NCKAP5: variants seen among roughly 807,000 people sequenced by gnomAD.
NCKAP5 encodes NCK associated protein 5, also known as nck-associated protein 5.
Under a neutral mutation model 167.0 loss-of-function variants are expected in NCKAP5, and 92 were observed. That is an observed-to-expected ratio of 0.55 (90% CI 0.47 to 0.66). The LOEUF (loss-of-function observed/expected upper bound fraction) is 0.66. Ranked by LOEUF, NCKAP5 falls within the 30% of genes least tolerant of loss-of-function variation. The pLI, the probability that NCKAP5 is intolerant of heterozygous loss-of-function variation, is 0.00. For synonymous variants in NCKAP5, 891 were observed against 877.4 expected (o/e 1.02, Z -0.27); for missense variants, 2,378 against 2,315.0 (o/e 1.03, Z -0.56).
At chr2:133,515,937 G>T (rs1683948097) in intron 3 of NCKAP5, among the ~76,000 whole-genome samples, 1 of 152,202 alleles carries the variant, frequency 6.6e-6, no homozygotes, top group Admixed American at 6.5e-5. Context: ...TTATTAATGA[G>T]TGCTACTATG....
intron 10 of NCKAP5, among the ~76,000 whole-genome samples, chr2:132,865,001 G>A (rs1294794935): frequency 2.0e-5 from 3 of 151,934 alleles, no homozygotes; most frequent in African/African-American, 7.3e-5. Context: ...ATGTCTTTTC[G>A]AGTGCTGCTT....
intron 5 of NCKAP5, among the ~76,000 whole-genome samples, chr2:133,172,925 T>C (rs144775661): frequency 4.9e-4 from 74 of 152,228 alleles, no homozygotes; most frequent in Middle Eastern, 3.4e-3. Context: ...CCTCAGGTGA[T>C]CTGCCTGCCT....
At chr2:133,115,821 T>TGCACACACACACACAC (rs1381059236) in intron 6 of NCKAP5, among the ~76,000 whole-genome samples, 1 of 67,432 alleles carries the variant, frequency 1.5e-5, no homozygotes, top group African/African-American at 7.1e-5. Flanking sequence ...ATATATAGTG[T>TGCACACACACACACAC]TCACACACAC....
At chr2:133,555,948 A>C (rs1011152555) in intron 2 of NCKAP5, among the ~76,000 whole-genome samples, 1 of 152,246 alleles carries the variant, frequency 6.6e-6, no homozygotes, top group African/African-American at 2.4e-5. Context: ...CAATGTGCAT[A>C]AAGTTATAAT....
chr2:133,029,692 G>A (rs1183480677), intron 6 of NCKAP5, among the ~76,000 whole-genome samples: 1 of 152,062 alleles, frequency 6.6e-6, no homozygotes, highest in Non-Finnish European at 1.5e-5. Flanking sequence ...TGAAATGAGC[G>A]CTACTTGCCA....
intron 11 of NCKAP5, among the ~76,000 whole-genome samples, chr2:132,816,217 G>A (rs1686256846): frequency 6.6e-6 from 1 of 151,982 alleles, no homozygotes; most frequent in East Asian, 1.9e-4. Context: ...TTAGGATCTG[G>A]GGCACAATTT....
chr2:132,686,784 A>G (rs1233274018), intron 19 of NCKAP5, among the ~76,000 whole-genome samples: 1 of 152,208 alleles, frequency 6.6e-6, no homozygotes, highest in Non-Finnish European at 1.5e-5. Flanking sequence ...CACCCAGAAG[A>G]CATTTAGGTT....
chr2:133,671,646 A>T, the NCKAP5 span, among the ~76,000 whole-genome samples: 1 of 152,092 alleles, frequency 6.6e-6, no homozygotes, highest in East Asian at 1.9e-4. Flanking sequence ...GCAGCCCCTC[A>T]ACCTTGGACT....
chr2:133,196,080 G>A (rs1468755181), intron 5 of NCKAP5, among the ~76,000 whole-genome samples: 2 of 152,094 alleles, frequency 1.3e-5, no homozygotes, highest in Non-Finnish European at 2.9e-5. Context: ...GAAGAAACCA[G>A]GTAACGTTTT....
At chr2:133,536,692 T>A (rs916615620) in intron 2 of NCKAP5, among the ~76,000 whole-genome samples, 1 of 152,030 alleles carries the variant, frequency 6.6e-6, no homozygotes, top group Non-Finnish European at 1.5e-5. Context: ...GAGTTTTTTT[T>A]ATATATTCTG....
intron 3 of NCKAP5, among the ~76,000 whole-genome samples, chr2:133,434,672 A>T (rs1425628462): frequency 6.6e-6 from 1 of 152,256 alleles, no homozygotes; most frequent in Non-Finnish European, 1.5e-5. Flanking sequence ...TATTATGAAC[A>T]TCTTAAGAGT....
chr2:132,780,988 A>T, intron 15 of NCKAP5, 64 bp downstream of exon 15: 1 of 1,511,342 alleles, frequency 6.6e-7, no homozygotes, highest in Non-Finnish European at 9.0e-7. Flanking sequence ...AGCAAACGGT[A>T]GAAAGACCCC....
At chr2:132,752,034 A>C (rs1680157347) in intron 16 of NCKAP5, among the ~76,000 whole-genome samples, 1 of 152,244 alleles carries the variant, frequency 6.6e-6, no homozygotes, top group Non-Finnish European at 1.5e-5. Context: ...TATTCTGTCC[A>C]GTCAGCACAA....
intron 6 of NCKAP5, among the ~76,000 whole-genome samples, chr2:133,097,718 CAT>C (rs1360639024): frequency 1.3e-5 from 2 of 152,170 alleles, no homozygotes; most frequent in Non-Finnish European, 2.9e-5. Flanking sequence ...AGTGTGGCCA[CAT>C]GTGTCTGATC....
intron 8 of NCKAP5, among the ~76,000 whole-genome samples, chr2:132,883,642 G>A (rs1214106979): frequency 6.6e-6 from 1 of 152,168 alleles, no homozygotes; most frequent in African/African-American, 2.4e-5. Context: ...GTGTCCACCT[G>A]TGTGCAGTGC....
At chr2:132,972,267 G>T (rs973522023) in intron 7 of NCKAP5, among the ~76,000 whole-genome samples, 5 of 152,102 alleles carry the variant, frequency 3.3e-5, no homozygotes, top group South Asian at 2.1e-4. Context: ...AGACTCTGGG[G>T]CTCACTATCT....
chr2:133,544,632 CTT>C lies in NCKAP5; in HGVS notation c.-62+14416_-62+14417del, dbSNP rs754012564. ...TGATGGGCACTTCACTGACAAATAA[CTT>C]ATCACTATTACAGATGCTACTGCAG... On this transcript the variant is annotated intron_variant, in intron 2 of 19. Coordinates refer to ENST00000409261, the MANE Select transcript of NCKAP5 (RefSeq NM_207363.3). Among the ~76,000 whole-genome samples the C allele has an allele frequency of 2.0e-5, 3 of 152,286 alleles. No individual in the cohort carries two copies. The East Asian group carries it at 5.8e-4, about 29-fold the overall frequency.
chr2:133,390,410 G>A (rs1018280847), intron 3 of NCKAP5, among the ~76,000 whole-genome samples: 12 of 152,148 alleles, frequency 7.9e-5, no homozygotes, highest in African/African-American at 1.4e-4. Context: ...CACACGACCC[G>A]ATACCCTGGA....
At chr2:133,483,053 T>G (rs2151320683) in intron 3 of NCKAP5, among the ~76,000 whole-genome samples, 1 of 152,312 alleles carries the variant, frequency 6.6e-6, no homozygotes, top group Non-Finnish European at 1.5e-5. Flanking sequence ...CATACTGAGT[T>G]CAAGTATTTT....
Sources: allele counts gnomAD v4.1 joint callset (sites outside exome capture counted in the v4.1 genomes callset), GRCh38; gene constraint gnomAD v4.1.1; transcripts MANE v1.5; gene names NCBI Gene and HGNC (gene_info 2026-07-23, HGNC 2026-07-21).